Variants in RBFOX1 observed in about 807,000 individuals in gnomAD.
RBFOX1 encodes the protein RNA binding protein fox-1 homolog 1.
Under a neutral mutation model 57.7 loss-of-function variants are expected in RBFOX1, and 8 were observed. That is an observed-to-expected ratio of 0.14 (90% CI 0.08 to 0.25). The LOEUF is 0.25. Ranked by LOEUF, RBFOX1 falls within the 10% of genes least tolerant of loss-of-function variation. The pLI, the probability that RBFOX1 is intolerant of heterozygous loss-of-function variation, is 1.00. For missense variants in RBFOX1, 611 were observed against 548.5 expected (o/e 1.11, Z -1.14); for synonymous variants, 326 against 222.4 (o/e 1.47, Z -4.15).
chr16:7,436,057 G>A (rs1476689151), intron 4 of RBFOX1, among the ~76,000 whole-genome samples: 3 of 152,164 alleles, frequency 2.0e-5, no homozygotes, highest in East Asian at 1.9e-4. Context: ...AACATCGTGA[G>A]AATTTCTTTC....
chr16:5,908,497 T>C (rs1476814507), intron 4 of RBFOX1, among the ~76,000 whole-genome samples: 1 of 151,690 alleles, frequency 6.6e-6, no homozygotes, highest in Non-Finnish European at 1.5e-5. Flanking sequence ...GGATTACAGG[T>C]GCCTGCCACC....
chr16:6,848,213 C>T (rs577221608), intron 3 of RBFOX1, among the ~76,000 whole-genome samples: 1 of 152,056 alleles, frequency 6.6e-6, no homozygotes, highest in South Asian at 2.1e-4. Flanking sequence ...GTGGCGACAC[C>T]ATGGTGAGCT....
chr16:7,615,919 C>T (rs1400489751), intron 10 of RBFOX1, among the ~76,000 whole-genome samples: 1 of 152,166 alleles, frequency 6.6e-6, no homozygotes, highest in Non-Finnish European at 1.5e-5. Context: ...TCACGGAATA[C>T]CTTAACAACT....
rs1261795700 is a variant in RBFOX1 at position 7,155,732 on chromosome 16, T to TACACACACACACAC, written c.27+103635_27+103636insCACACACACACACA. ...AAAAAAATATATATATATATATATA[T>TACACACACACACAC]ATATATACACACACACACACACACA... On this transcript the variant is annotated intron_variant, in intron 4 of 15. Transcript: ENST00000550418. Among the ~76,000 whole-genome samples the TACACACACACACAC allele has an allele frequency of 6.3e-4, 56 of 89,420 alleles. 1 individual carries two copies. Among genetic ancestry groups the TACACACACACACAC allele is most frequent in the African/African-American group, 3.3e-3 (55 of 16,578 alleles). 58.7% of individuals were successfully genotyped at this position (89,420 alleles called of 152,430 possible).
chr16:6,052,019 C>A (rs927082516), intron 1 of RBFOX1, among the ~76,000 whole-genome samples: 6 of 152,170 alleles, frequency 3.9e-5, no homozygotes, highest in Non-Finnish European at 5.9e-5. Flanking sequence ...CTCTCTAGTC[C>A]AGTCCCCATC....
At chr16:7,394,230 C>T (rs554116605) in intron 4 of RBFOX1, among the ~76,000 whole-genome samples, 57 of 81,852 alleles carry the variant, frequency 7.0e-4, no homozygotes, top group South Asian at 6.0e-3. Flanking sequence ...AGCAAGACTC[C>T]GCATCAAAAA....
At chr16:6,938,211 T>G (rs1385300122) in intron 3 of RBFOX1, among the ~76,000 whole-genome samples, 1 of 152,188 alleles carries the variant, frequency 6.6e-6, no homozygotes, top group African/African-American at 2.4e-5. Context: ...TCTGTCATTG[T>G]CCAGATTAGA....
At chr16:7,256,816 G>A (rs1383037435) in intron 4 of RBFOX1, among the ~76,000 whole-genome samples, 1 of 152,074 alleles carries the variant, frequency 6.6e-6, no homozygotes. Flanking sequence ...CTCTCTCACC[G>A]TTCTACGCAC....
intron 2 of RBFOX1, among the ~76,000 whole-genome samples, chr16:6,357,268 G>C (rs1370204642): frequency 6.6e-6 from 1 of 152,098 alleles, no homozygotes; most frequent in Non-Finnish European, 1.5e-5. Flanking sequence ...AAACAGAGAA[G>C]AAAAATGGTG....
intron 2 of RBFOX1, among the ~76,000 whole-genome samples, chr16:6,647,964 C>G (rs112849935): frequency 6.6e-6 from 1 of 152,082 alleles, no homozygotes; most frequent in Non-Finnish European, 1.5e-5. Flanking sequence ...GCGTCAGCCT[C>G]TCTAGTAGCT....
At chr16:5,896,536 C>T (rs2058167436) in intron 4 of RBFOX1, among the ~76,000 whole-genome samples, 1 of 152,194 alleles carries the variant, frequency 6.6e-6, no homozygotes, top group African/African-American at 2.4e-5. Flanking sequence ...AGACTCTCAC[C>T]AGAAGCAGAT....
At chr16:6,998,522 A>G (rs1351682114) in intron 3 of RBFOX1, among the ~76,000 whole-genome samples, 2 of 152,214 alleles carry the variant, frequency 1.3e-5, no homozygotes, top group Non-Finnish European at 2.9e-5. Context: ...ACCAGAAGCA[A>G]GAGACAAAGT....
intron 4 of RBFOX1, among the ~76,000 whole-genome samples, chr16:7,279,248 C>A (rs116565654): frequency 2.6e-5 from 4 of 152,106 alleles, no homozygotes; most frequent in Middle Eastern, 3.4e-3. Context: ...TGCATTTTCT[C>A]TGTTTATAAC....
upstream of RBFOX1, among the ~76,000 whole-genome samples, chr16:6,016,210 G>T (rs915426091): frequency 6.6e-6 from 1 of 152,174 alleles, no homozygotes; most frequent in Admixed American, 6.5e-5. Flanking sequence ...ACAGGGTAAA[G>T]GTAAATGGAG....
intron 2 of RBFOX1, among the ~76,000 whole-genome samples, chr16:5,479,921 C>T (rs1056791456): frequency 1.3e-5 from 2 of 152,158 alleles, no homozygotes; most frequent in African/African-American, 4.8e-5. Context: ...TCTTCAGTGT[C>T]CAGGGTCCTT....
chr16:6,078,018 A>G (rs1025961566), intron 1 of RBFOX1, among the ~76,000 whole-genome samples: 1 of 152,082 alleles, frequency 6.6e-6, no homozygotes, highest in African/African-American at 2.4e-5. Context: ...TGAATCTGAG[A>G]CTGAACATTT....
At chr16:7,462,958 A>G (rs2059849876) in intron 4 of RBFOX1, among the ~76,000 whole-genome samples, 1 of 152,132 alleles carries the variant, frequency 6.6e-6, no homozygotes, top group African/African-American at 2.4e-5. Context: ...TGATCTCAAG[A>G]TCTGTAACTT....
chr16:5,978,128 CAAAAAAAAAAA>C (rs140908065), intron 4 of RBFOX1, among the ~76,000 whole-genome samples: 5 of 31,524 alleles, frequency 1.6e-4, no homozygotes, highest in African/African-American at 2.9e-4. Flanking sequence ...CTGTCTCTTC[CAAAAAAAAAAA>C]AAAAAAAAAA....
At chr16:6,632,591 C>T (rs1330841123) in intron 2 of RBFOX1, among the ~76,000 whole-genome samples, 1 of 152,156 alleles carries the variant, frequency 6.6e-6, no homozygotes, top group Non-Finnish European at 1.5e-5. Flanking sequence ...AAAAATGAGT[C>T]TCTTGAGGTT....
Sources: allele counts gnomAD v4.1 joint callset (sites outside exome capture counted in the v4.1 genomes callset), GRCh38; gene constraint gnomAD v4.1.1; transcripts MANE v1.5; gene names NCBI Gene and HGNC (gene_info 2026-07-23, HGNC 2026-07-21).